The following BCAS3 variants were observed in gnomAD, a reference collection of about 807,000 sequenced individuals.
The protein encoded by BCAS3 is BCAS4/BCAS3 fusion.
BCAS3 carries 53 observed loss-of-function variants against 116.1 expected under a neutral mutation model. The ratio of observed to expected loss-of-function variants is 0.46; its 90% CI spans 0.37 to 0.57. BCAS3 has a LOEUF of 0.57. Ranked by LOEUF, BCAS3 falls within the 20% of genes least tolerant of loss-of-function variation. BCAS3 has a pLI of 0.00. For synonymous variants in BCAS3, 391 were observed against 408.2 expected, an observed-to-expected ratio of 0.96 and a Z score of 0.51; for missense variants, 917 against 1,165.4, an observed-to-expected ratio of 0.79 and a Z score of 3.10.
chr17:60,818,670 C>T (rs1337962693), intron 7 of BCAS3, among the ~76,000 whole-genome samples: 1 of 152,134 alleles, frequency 6.6e-6, no homozygotes, highest in Non-Finnish European at 1.5e-5. Flanking sequence ...ATGGACTCTT[C>T]CAGCAGTTCC....
At chr17:60,868,767 A>C (rs2054853432) in intron 8 of BCAS3, 84 bp downstream of exon 8, 2 of 705,962 alleles carry the variant, frequency 2.8e-6, no homozygotes, top group Non-Finnish European at 4.5e-6. Context: ...TTCAATGACT[A>C]ACTTAGATTT....
At chr17:60,717,608 A>G (rs77373024) in intron 5 of BCAS3, among the ~76,000 whole-genome samples, 4,727 of 152,256 alleles carry the variant, frequency 0.031, 237 homozygotes, top group African/African-American at 0.1. Context: ...TCCAAGAGTT[A>G]GCAGTTGGCT....
At chr17:60,701,249 A>G (rs536342773) in intron 4 of BCAS3, among the ~76,000 whole-genome samples, 1 of 152,046 alleles carries the variant, frequency 6.6e-6, no homozygotes, top group East Asian at 1.9e-4. Context: ...CTCCAAAAAA[A>G]AAATAAATAA....
chr17:60,727,503 G>A (rs915160678), intron 5 of BCAS3: 23 of 1,452,676 alleles, frequency 1.6e-5, no homozygotes, highest in South Asian at 3.1e-5. Context: ...GGGCTGTTCC[G>A]TCTATGTGAT....
At chr17:60,689,552 T>C (rs1281807151) in intron 3 of BCAS3, 134 bp from the exon 4 acceptor site, 2 of 532,484 alleles carry the variant, frequency 3.8e-6, no homozygotes, top group Non-Finnish European at 6.6e-6. Flanking sequence ...TGTTCTAAAA[T>C]ATTCTAGTTA....
chr17:60,871,935 T>C (rs1336820391), intron 8 of BCAS3, among the ~76,000 whole-genome samples: 1 of 152,074 alleles, frequency 6.6e-6, no homozygotes, highest in Admixed American at 6.6e-5. Context: ...ATTGTTATTC[T>C]ATTTTTCTTA....
At chr17:61,271,129 T>A (rs867450060) in intron 22 of BCAS3, among the ~76,000 whole-genome samples, 23 of 141,404 alleles carry the variant, frequency 1.6e-4, no homozygotes, top group South Asian at 4.4e-4. Context: ...TTATTCTTTT[T>A]TTTTTTTTTT....
At chr17:60,862,734 C>T (rs2144860477) in intron 7 of BCAS3, among the ~76,000 whole-genome samples, 1 of 152,284 alleles carries the variant, frequency 6.6e-6, no homozygotes. Flanking sequence ...TCACTGCATC[C>T]TCAAATTGCT....
chr17:60,907,827 C>T, intron 11 of BCAS3, among the ~76,000 whole-genome samples: 1 of 152,056 alleles, frequency 6.6e-6, no homozygotes, highest in East Asian at 1.9e-4. Context: ...TATATACATA[C>T]TCTGTCTACT....
chr17:60,759,731 T>C (rs1053370959), intron 6 of BCAS3, among the ~76,000 whole-genome samples: 2 of 152,016 alleles, frequency 1.3e-5, no homozygotes, highest in Non-Finnish European at 1.5e-5. Flanking sequence ...GAGGTGTGAT[T>C]GTAGCTCACT....
At chr17:60,921,339 T>C (rs765389707) in intron 12 of BCAS3, among the ~76,000 whole-genome samples, 4 of 152,118 alleles carry the variant, frequency 2.6e-5, no homozygotes, top group Non-Finnish European at 5.9e-5. Context: ...TTCTCACTTA[T>C]AAGTGGGAGC....
chr17:61,055,808 G>T (rs1032611056), intron 19 of BCAS3, among the ~76,000 whole-genome samples: 2 of 151,948 alleles, frequency 1.3e-5, no homozygotes, highest in Non-Finnish European at 1.5e-5. Flanking sequence ...TATTATTCTA[G>T]TTTTAAAAAA....
chr17:61,146,337 C>T (rs1028561959), intron 22 of BCAS3, among the ~76,000 whole-genome samples: 4 of 150,252 alleles, frequency 2.7e-5, no homozygotes, highest in Non-Finnish European at 5.9e-5. Context: ...AGGCTGGTCT[C>T]GAACTCCTGG....
At chr17:61,357,448 A>T (rs1227824964) in intron 22 of BCAS3, among the ~76,000 whole-genome samples, 5 of 144,016 alleles carry the variant, frequency 3.5e-5, no homozygotes, top group Non-Finnish European at 3.0e-5. Context: ...AAAAATTTTT[A>T]TTTTTTTTTT....
chr17:60,950,276 G>T (rs1453332699), intron 14 of BCAS3, among the ~76,000 whole-genome samples: 1 of 152,084 alleles, frequency 6.6e-6, no homozygotes, highest in Non-Finnish European at 1.5e-5. Flanking sequence ...TAGATAATAG[G>T]ACAAATAAGT....
chr17:60,718,952 C>T (rs764390023), intron 5 of BCAS3, among the ~76,000 whole-genome samples: 2 of 152,050 alleles, frequency 1.3e-5, no homozygotes, highest in African/African-American at 2.4e-5. Flanking sequence ...GTCCCAGCTA[C>T]TTGGGAGGCT....
At chr17:61,201,900 G>A (rs1042323313) in intron 22 of BCAS3, among the ~76,000 whole-genome samples, 24 of 149,490 alleles carry the variant, frequency 1.6e-4, no homozygotes, top group African/African-American at 5.7e-4. Flanking sequence ...CTGGGATTAC[G>A]GGAATGTGAC....
chr17:60,937,747 A>G (rs2060009937), intron 13 of BCAS3, among the ~76,000 whole-genome samples: 1 of 152,116 alleles, frequency 6.6e-6, no homozygotes, highest in Admixed American at 6.5e-5. Flanking sequence ...TAATTATTTC[A>G]CTTTACTATC....
intron 9 of BCAS3, among the ~76,000 whole-genome samples, chr17:60,888,577 A>G (rs1386038169): frequency 5.9e-5 from 9 of 152,146 alleles, no homozygotes; most frequent in South Asian, 4.1e-4. Flanking sequence ...CACAATTTAT[A>G]TTACAGTATG....
Sources: gnomAD v4.1 joint callset for allele counts (sites outside exome capture counted in the v4.1 genomes callset) on GRCh38, gnomAD v4.1.1 for gene constraint, MANE v1.5 for transcripts, NCBI Gene and HGNC (gene_info 2026-07-23, HGNC 2026-07-21) for gene names.